Variants in VPS8 observed in about 807,000 individuals in gnomAD.
VPS8 encodes VPS8 subunit of CORVET complex, also known as vacuolar protein sorting-associated protein 8 homolog.
A neutral mutation model predicts 216.4 loss-of-function variants in VPS8; 129 were observed. That is an observed-to-expected ratio of 0.60 (90% CI 0.52 to 0.69). The LOEUF (loss-of-function observed/expected upper bound fraction) is 0.69. Among genes scored for constraint, VPS8 ranks in the 30% least tolerant of loss-of-function variants. The pLI is 0.00. For synonymous variants in VPS8, 571 were observed against 565.4 expected, an observed-to-expected ratio of 1.01 and a Z score of -0.14; for missense variants, 1,531 against 1,683.5, an observed-to-expected ratio of 0.91 and a Z score of 1.59.
chr3:185,019,347 G>GAC (rs111857967), intron 45 of VPS8, among the ~76,000 whole-genome samples: 4,462 of 149,840 alleles, frequency 0.03, 150 homozygotes, highest in African/African-American at 0.084. Flanking sequence ...AGGAATTAAA[G>GAC]ACACACACAC....
chr3:185,020,179 C>T (rs1388880122), intron 45 of VPS8, among the ~76,000 whole-genome samples: 8 of 152,136 alleles, frequency 5.3e-5, no homozygotes, highest in Non-Finnish European at 1.5e-5. Flanking sequence ...TTGAAAATAA[C>T]CTAAATGTCC....
At chr3:184,837,457 G>A (rs1286607848) in intron 5 of VPS8, among the ~76,000 whole-genome samples, 2 of 152,104 alleles carry the variant, frequency 1.3e-5, no homozygotes, top group Non-Finnish European at 2.9e-5. Context: ...CTCTTTCCCT[G>A]TCTAGATGCA....
At chr3:184,936,662 T>C (rs1323208032) in intron 35 of VPS8, among the ~76,000 whole-genome samples, 1 of 151,950 alleles carries the variant, frequency 6.6e-6, no homozygotes. Flanking sequence ...GGAACTATAA[T>C]GTACTTATCC....
intron 42 of VPS8, among the ~76,000 whole-genome samples, chr3:184,987,414 TG>T (rs1343256333): frequency 3.8e-5 from 1 of 26,390 alleles, no homozygotes; most frequent in Non-Finnish European, 2.6e-4. Context: ...GTGCCCACAC[TG>T]ATTTTTTTTT....
At chr3:184,854,339 A>T (rs1724846474) in intron 13 of VPS8, among the ~76,000 whole-genome samples, 166 bp downstream of exon 13, 1 of 152,184 alleles carries the variant, frequency 6.6e-6, no homozygotes, top group Non-Finnish European at 1.5e-5. Flanking sequence ...TGATCAAAGC[A>T]TCATAAAGCT....
chr3:184,887,898 G>C (rs940664838), intron 22 of VPS8, among the ~76,000 whole-genome samples: 90 of 152,172 alleles, frequency 5.9e-4, no homozygotes, highest in African/African-American at 2.2e-3. Context: ...GCTTACTTGG[G>C]GCTCAAATTT....
intron 7 of VPS8, among the ~76,000 whole-genome samples, chr3:184,842,186 CAAA>C (rs71162267): frequency 0.014 from 686 of 48,918 alleles, 7 homozygotes; most frequent in Middle Eastern, 0.064. Context: ...GACTCCGTCT[CAAA>C]AAAAAAAAAA....
At position 184,976,030 on chromosome 3, in the gene VPS8, T is replaced by C. The variant is rs545576364; in HGVS notation, c.3420+4278T>C. ...CCCTCTTGTATTCATCCATATCTAT[T>C]GTTCCCATCATTACGTCCATGTATA... On this transcript the variant is annotated intron_variant, in intron 40 of 47. Transcript: ENST00000625842. 2.0e-5 allele frequency among the ~76,000 whole-genome samples: 3 copies of C among 152,300 alleles called. No homozygotes were observed. The South Asian group carries it at 6.2e-4, about 32-fold the overall frequency.
intron 21 of VPS8, chr3:184,885,907 G>A: frequency 2.0e-6 from 1 of 501,382 alleles, no homozygotes. Context: ...ACATATTTAG[G>A]GTACATTTCC....
chr3:184,996,190 A>G, intron 43 of VPS8, 142 bp from the exon 44 acceptor site: 3 of 1,013,602 alleles, frequency 3.0e-6, no homozygotes, highest in Non-Finnish European at 4.1e-6. Context: ...TTTTGTTTCA[A>G]CAATGTTATC....
In VPS8 at chr3:184,870,808, A is replaced by C; in HGVS notation, c.1734+3A>C. The C allele has an allele frequency of 1.9e-6, 3 of 1,609,422 alleles. No individual in the cohort carries two copies. The highest frequency in any genetic ancestry group is 2.5e-6 in the Non-Finnish European group (3 of 1,177,612). On this transcript the variant is annotated splice_donor_region_variant and intron_variant, in intron 21 of 47. Coordinates refer to ENST00000625842, the MANE Select transcript of VPS8 (RefSeq NM_001009921.3). The stretch of plus-strand genomic sequence containing the variant: ...AAGTGATGGAGCAGCATTTTCAGGT[A>C]CACATTGCATGTGCTTCCAGTAGAC...
intron 39 of VPS8, among the ~76,000 whole-genome samples, chr3:184,968,244 A>G (rs1314682688): frequency 2.0e-5 from 3 of 152,218 alleles, no homozygotes; most frequent in Admixed American, 1.3e-4. Flanking sequence ...AATAAATGCC[A>G]TTGTATGTAT....
intron 34 of VPS8, among the ~76,000 whole-genome samples, chr3:184,933,164 TA>T (rs1740985737): frequency 6.6e-6 from 1 of 152,214 alleles, no homozygotes; most frequent in Non-Finnish European, 1.5e-5. Context: ...TAGTTGAGAT[TA>T]ATATTTTAAA....
intron 17 of VPS8, 79 bp downstream of exon 17, chr3:184,867,029 G>A: frequency 3.9e-6 from 5 of 1,296,874 alleles, no homozygotes; most frequent in Non-Finnish European, 5.4e-6. Flanking sequence ...GGTAAAGAGG[G>A]CAGTATATTG....
intron 25 of VPS8, among the ~76,000 whole-genome samples, chr3:184,905,027 G>A (rs550354806): frequency 1.3e-4 from 20 of 152,290 alleles, no homozygotes; most frequent in East Asian, 3.9e-4. Flanking sequence ...CTCACATGGC[G>A]GAAGTTGGAA....
chr3:184,815,250 T>C (rs9853584), intron 1 of VPS8, among the ~76,000 whole-genome samples: 3,600 of 152,282 alleles, frequency 0.024, 130 homozygotes, highest in African/African-American at 0.082. Flanking sequence ...ATACATAAAC[T>C]GGCACATAGT....
At chr3:184,991,700 G>A (rs1029650498) in intron 42 of VPS8, among the ~76,000 whole-genome samples, 6 of 152,094 alleles carry the variant, frequency 3.9e-5, no homozygotes, top group Non-Finnish European at 5.9e-5. Flanking sequence ...TTTGACAAAC[G>A]TATACTTATT....
At chr3:185,000,671 C>T (rs914492257) in intron 45 of VPS8, among the ~76,000 whole-genome samples, 11 of 148,154 alleles carry the variant, frequency 7.4e-5, no homozygotes, top group East Asian at 2.0e-4. Context: ...TGCAGTGGTG[C>T]GATCTCAGCT....
At chr3:184,987,039 C>T (rs773644271) in intron 42 of VPS8, among the ~76,000 whole-genome samples, 1 of 152,044 alleles carries the variant, frequency 6.6e-6, no homozygotes, top group Non-Finnish European at 1.5e-5. Context: ...ATTACCATAT[C>T]ATACACTGCT....
Sources: gnomAD v4.1 joint callset for allele counts (sites outside exome capture counted in the v4.1 genomes callset) on GRCh38, gnomAD v4.1.1 for gene constraint, MANE v1.5 for transcripts, NCBI Gene and HGNC (gene_info 2026-07-23, HGNC 2026-07-21) for gene names.